The following BTBD16 variants were observed in gnomAD, a reference collection of about 807,000 sequenced individuals.
BTBD16 encodes BTB domain containing 16.
A neutral mutation model predicts 67.4 loss-of-function variants in BTBD16; 66 were observed. The observed-to-expected ratio is 0.98, with a 90% CI of 0.80 to 1.20. BTBD16 has a LOEUF of 1.20. Ranked by LOEUF, BTBD16 falls within the 50% of genes most tolerant of loss-of-function variation. The probability of loss-of-function intolerance (pLI) is 0.00; values close to 1 mark genes in which losing one functional copy is unlikely to be tolerated. For synonymous variants in BTBD16, 242 were observed against 236.4 expected, an observed-to-expected ratio of 1.02 and a Z score of -0.22; for missense variants, 634 against 616.0, an observed-to-expected ratio of 1.03 and a Z score of -0.31.
intron 10 of BTBD16, among the ~76,000 whole-genome samples, chr10:122,328,459 G>A (rs2096449185): frequency 6.6e-6 from 1 of 152,166 alleles, no homozygotes; most frequent in Non-Finnish European, 1.5e-5. Flanking sequence ...GGGATCACTG[G>A]CGTGGAGCAG....
Position 122,279,833 on chromosome 10 carries a change from T to A in BTBD16, c.167+2894T>A, listed in dbSNP as rs1590047762. On this transcript the variant is annotated intron_variant, in intron 3 of 15. Transcript: ENST00000260723. ...CATTGCTGCTTTTCCCACCTGGGGG[T>A]GCTGTCTGCTTGGACAGGAGCTGGA... is the stretch of plus-strand genomic sequence containing the variant. 2.0e-5 allele frequency among the ~76,000 whole-genome samples: 3 copies of A among 152,190 alleles called. No homozygotes were observed. The South Asian group carries it at 6.2e-4, about 32-fold the overall frequency.
chr10:122,315,233 T>G (rs2096421890), intron 10 of BTBD16, among the ~76,000 whole-genome samples: 1 of 152,190 alleles, frequency 6.6e-6, no homozygotes. Flanking sequence ...AGTGAGTACG[T>G]TTTAAACATA....
chr10:122,296,840 G>A (rs1017049144), intron 7 of BTBD16, among the ~76,000 whole-genome samples: 3 of 152,238 alleles, frequency 2.0e-5, no homozygotes, highest in African/African-American at 7.2e-5. Flanking sequence ...CAAAGAGGGA[G>A]AGAGAGGGGA....
chr10:122,295,473 C>T, intron 7 of BTBD16: 1 of 985,360 alleles, frequency 1.0e-6, no homozygotes, highest in Non-Finnish European at 1.2e-6. Context: ...GAAGCCTGGG[C>T]TTGGGAGGGG....
intron 7 of BTBD16, among the ~76,000 whole-genome samples, chr10:122,294,764 C>T (rs972050643): frequency 6.6e-6 from 1 of 152,232 alleles, no homozygotes; most frequent in African/African-American, 2.4e-5. Flanking sequence ...TCTTTGCTTC[C>T]TTTGGTCTGG....
At chr10:122,281,292 C>G (rs960544038) in intron 3 of BTBD16, among the ~76,000 whole-genome samples, 3 of 152,160 alleles carry the variant, frequency 2.0e-5, no homozygotes, top group Non-Finnish European at 2.9e-5. Context: ...TTTGCAGAGT[C>G]TTTTGTGATA....
At chr10:122,317,656 C>A (rs11200550) in intron 10 of BTBD16, among the ~76,000 whole-genome samples, 10,874 of 117,966 alleles carry the variant, frequency 0.092, 617 homozygotes, top group East Asian at 0.34. Flanking sequence ...CAAAAAAACA[C>A]AAAAAAACAA....
intron 10 of BTBD16, among the ~76,000 whole-genome samples, chr10:122,320,032 A>G (rs1312874017): frequency 6.6e-6 from 1 of 152,072 alleles, no homozygotes. Flanking sequence ...TACAGTATTA[A>G]TTTTTTTACA....
chr10:122,296,820 C>T (rs115673893), intron 7 of BTBD16, among the ~76,000 whole-genome samples: 372 of 152,278 alleles, frequency 2.4e-3, no homozygotes, highest in African/African-American at 8.5e-3. Context: ...CCCAGACGAA[C>T]TACAATAGTC....
At chr10:122,286,910 G>A (rs1020212962) in intron 5 of BTBD16, among the ~76,000 whole-genome samples, 9 of 152,158 alleles carry the variant, frequency 5.9e-5, no homozygotes, top group African/African-American at 1.9e-4. Context: ...GCATCCCCTC[G>A]GGCTGACTCA....
At chr10:122,280,033 CT>C (rs2096349470) in intron 3 of BTBD16, among the ~76,000 whole-genome samples, 1 of 152,178 alleles carries the variant, frequency 6.6e-6, no homozygotes, top group Non-Finnish European at 1.5e-5. Context: ...CTCAGAGGTG[CT>C]GATCTTCAGG....
intron 7 of BTBD16, among the ~76,000 whole-genome samples, chr10:122,292,213 G>A (rs2096375412): frequency 1.3e-5 from 2 of 152,208 alleles, no homozygotes; most frequent in South Asian, 2.1e-4. Flanking sequence ...CATAAAATGT[G>A]GCTTATAACA....
At chr10:122,337,557 C>T (rs565346815) in intron 15 of BTBD16, among the ~76,000 whole-genome samples, 3 of 152,144 alleles carry the variant, frequency 2.0e-5, no homozygotes, top group South Asian at 2.1e-4. Flanking sequence ...CTCCACCTCC[C>T]GGGTTCACGC....
intron 15 of BTBD16, 67 bp downstream of exon 15, chr10:122,336,749 A>G: frequency 1.4e-6 from 2 of 1,399,104 alleles, no homozygotes; most frequent in Non-Finnish European, 1.9e-6. Flanking sequence ...CCTTTTGGGG[A>G]TCACTGGCTT....
intron 3 of BTBD16, among the ~76,000 whole-genome samples, chr10:122,280,342 G>A (rs1002469144): frequency 1.6e-4 from 25 of 152,132 alleles, no homozygotes; most frequent in Non-Finnish European, 3.2e-4. Flanking sequence ...CAGAGATCCA[G>A]CACGGGAGGT....
At chr10:122,325,112 G>A (rs1309147206) in intron 10 of BTBD16, among the ~76,000 whole-genome samples, 2 of 152,232 alleles carry the variant, frequency 1.3e-5, no homozygotes, top group Non-Finnish European at 1.5e-5. Context: ...TGTGCAGCAA[G>A]TGTGTGTGAG....
chr10:122,285,705 A>G (rs2096362286), intron 4 of BTBD16, among the ~76,000 whole-genome samples: 2 of 152,174 alleles, frequency 1.3e-5, no homozygotes, highest in South Asian at 4.1e-4. Flanking sequence ...AAATGTTTAC[A>G]GTGCCGGGGC....
intron 9 of BTBD16, chr10:122,303,705 A>C: frequency 2.3e-6 from 2 of 873,216 alleles, no homozygotes; most frequent in Non-Finnish European, 2.7e-6. Flanking sequence ...CCCCTAAAGA[A>C]CAATTACCAT....
chr10:122,297,019 G>C (rs1304834805), intron 7 of BTBD16, among the ~76,000 whole-genome samples: 1 of 152,188 alleles, frequency 6.6e-6, no homozygotes, highest in African/African-American at 2.4e-5. Flanking sequence ...TCCTCTTTCA[G>C]GTTTTAAGTG....
Sources: allele counts gnomAD v4.1 joint callset (sites outside exome capture counted in the v4.1 genomes callset), GRCh38; gene constraint gnomAD v4.1.1; transcripts MANE v1.5; gene names NCBI Gene and HGNC (gene_info 2026-07-23, HGNC 2026-07-21).